ATAD2: variants seen among roughly 807,000 people sequenced by gnomAD.
The protein encoded by ATAD2 is ATPase family AAA domain-containing protein 2.
A neutral mutation model predicts 168.9 loss-of-function variants in ATAD2; 62 were observed. The observed-to-expected ratio is 0.37, with a 90% CI of 0.30 to 0.45. ATAD2 has a LOEUF of 0.45. ATAD2 is among the 20% of genes least tolerant of loss of function. The pLI, the probability that ATAD2 is intolerant of heterozygous loss-of-function variation, is 1.00. For missense variants in ATAD2, 1,419 were observed against 1,667.8 expected, an observed-to-expected ratio of 0.85 and a Z score of 2.60; for synonymous variants, 613 against 571.6, an observed-to-expected ratio of 1.07 and a Z score of -1.03.
chr8:123,377,059 C>A (rs1480463505), intron 2 of ATAD2, among the ~76,000 whole-genome samples: 1 of 113,508 alleles, frequency 8.8e-6, no homozygotes, highest in Non-Finnish European at 1.7e-5. Flanking sequence ...CCACTGCACT[C>A]CAGCCTGGGC....
upstream of ATAD2, among the ~76,000 whole-genome samples, chr8:123,399,804 A>G (rs1022159455): frequency 6.6e-6 from 1 of 151,934 alleles, no homozygotes; most frequent in African/African-American, 2.4e-5. Flanking sequence ...CGGTGAGCCG[A>G]GATTACGCCA....
intron 10 of ATAD2, 68 bp from the exon 11 acceptor site, chr8:123,359,404 T>C (rs1345188824): frequency 1.6e-6 from 2 of 1,275,528 alleles, no homozygotes; most frequent in Non-Finnish European, 2.2e-6. Flanking sequence ...CCCCACACCA[T>C]ACACAGTCAA....
intron 21 of ATAD2, among the ~76,000 whole-genome samples, chr8:123,336,972 T>C (rs1443229325): frequency 6.8e-6 from 1 of 147,654 alleles, no homozygotes; most frequent in Non-Finnish European, 1.5e-5. Flanking sequence ...CAAGACCCTA[T>C]CTCCACAAGG....
chr8:123,324,509 G>C (rs1827553151), intron 26 of ATAD2, among the ~76,000 whole-genome samples: 1 of 152,186 alleles, frequency 6.6e-6, no homozygotes, highest in African/African-American at 2.4e-5. Flanking sequence ...TGTTGGTTGA[G>C]GAGATAAGAC....
chr8:123,346,471 G>C, intron 17 of ATAD2, 147 bp downstream of exon 17: 1 of 999,756 alleles, frequency 1.0e-6, no homozygotes, highest in Non-Finnish European at 1.4e-6. Flanking sequence ...TTCTACTGTT[G>C]TGACAACTGT....
At chr8:123,336,854 A>G (rs1827929475) in intron 21 of ATAD2, among the ~76,000 whole-genome samples, 1 of 151,892 alleles carries the variant, frequency 6.6e-6, no homozygotes, top group African/African-American at 2.4e-5. Context: ...GTCTCTTCCA[A>G]TTGTGTAGGT....
chr8:123,392,227 C>T (rs775422896), intron 1 of ATAD2, among the ~76,000 whole-genome samples: 8 of 152,016 alleles, frequency 5.3e-5, no homozygotes, highest in Non-Finnish European at 8.8e-5. Flanking sequence ...TCCAAGTCCC[C>T]GTGCAGTTAC....
chr8:123,330,874 G>A (rs1051508678), intron 24 of ATAD2, among the ~76,000 whole-genome samples: 1 of 152,156 alleles, frequency 6.6e-6, no homozygotes, highest in African/African-American at 2.4e-5. Context: ...AAAGTACAAA[G>A]TTTTTGCATT....
intron 2 of ATAD2, among the ~76,000 whole-genome samples, chr8:123,373,823 A>T (rs1021220051): frequency 6.6e-6 from 1 of 151,944 alleles, no homozygotes; most frequent in Non-Finnish European, 1.5e-5. Context: ...CTACTAAGCA[A>T]AACAGTATGT....
chr8:123,331,140 C>G (rs148758169), intron 24 of ATAD2, among the ~76,000 whole-genome samples: 3,536 of 151,484 alleles, frequency 0.023, 144 homozygotes, highest in African/African-American at 0.082. Context: ...GGGGTTTCAC[C>G]ATGTTGGCCA....
chr8:123,358,039 A>G (rs1291795714), intron 11 of ATAD2, among the ~76,000 whole-genome samples: 1 of 152,178 alleles, frequency 6.6e-6, no homozygotes, highest in African/African-American at 2.4e-5. Context: ...CATATAATTC[A>G]ATTTGTATGG....
chr8:123,399,655 G>A (rs1335839699), upstream of ATAD2, among the ~76,000 whole-genome samples: 1 of 151,968 alleles, frequency 6.6e-6, no homozygotes, highest in Admixed American at 6.6e-5. Context: ...GGGAGTTCTA[G>A]AGCAGCCTGA....
chr8:123,351,563 T>C (rs1828460602), intron 13 of ATAD2, among the ~76,000 whole-genome samples: 1 of 152,146 alleles, frequency 6.6e-6, no homozygotes, highest in Non-Finnish European at 1.5e-5. Flanking sequence ...ATTTATTAGC[T>C]GTGATTTTCC....
chr8:123,401,330 G>C, upstream of ATAD2: 1 of 1,383,844 alleles, frequency 7.2e-7, no homozygotes, highest in South Asian at 1.2e-5. Context: ...GTGGGCACCT[G>C]TGAGGATGAC....
At position 123,357,650 on chromosome 8, in the gene ATAD2, C is replaced by T. The variant is rs1260663776; in HGVS notation, c.1469G>A (p.Arg490Lys). The T allele has an allele frequency of 6.2e-7, 1 of 1,614,002 alleles. No homozygotes were observed. Among genetic ancestry groups the T allele is most frequent in the African/African-American group, 1.3e-5 (1 of 74,934 alleles). ...ACCTTTCCTCATGAAAAATGCTACT[C>T]TTTTATCCCCTTGACTGCACTCATT... ...LANECSQGDKRVAFFMRKGAD... is the reference protein window; with the variant it reads ...LANECSQGDKKVAFFMRKGAD... The change falls in exon 12 of 28, where the codon AGA (arginine) becomes AAA (lysine). Residue 490 changes from arginine (R) to lysine (K), a missense_variant. By Grantham distance (26) the Arg-to-Lys change is conservative. Coordinates refer to ENST00000287394, the MANE Select transcript of ATAD2 (RefSeq NM_014109.4).
chr8:123,400,973 C>T, upstream of ATAD2: 1 of 1,434,818 alleles, frequency 7.0e-7, no homozygotes, highest in Non-Finnish European at 9.7e-7. The surrounding 1 kb of genome is among the most constrained non-coding windows in gnomAD (Gnocchi z 4.5). Flanking sequence ...GTGCTGGAGG[C>T]CACGATGCGG....
chr8:123,336,446 C>A lies in ATAD2; in HGVS notation c.3138G>T (p.Val1046=). The change falls in exon 22 of 28, where the codon GTG becomes GTT. Residue 1046 remains valine (V), a synonymous_variant. Coordinates refer to ENST00000287394, the MANE Select transcript of ATAD2 (RefSeq NM_014109.4). ...GATCAATATCTCTCAAATAGTCTTT[C>A]ACAGTCAGATACTTGTGTAGATCAA... ...SKIDLHKYLT[V]KDYLRDIDLI... 1 of 1,582,504 alleles carries A rather than the reference C, an allele frequency of 6.3e-7. No individual in the cohort carries two copies. Among genetic ancestry groups the A allele is most frequent in the African/African-American group, 1.4e-5 (1 of 73,084 alleles).
At chr8:123,380,950 A>T (rs1303611596) in intron 1 of ATAD2, 1 of 359,122 alleles carries the variant, frequency 2.8e-6, no homozygotes, top group East Asian at 5.8e-5. Flanking sequence ...AGTAGTCTAG[A>T]GAGTGAAGTT....
chr8:123,370,341 G>A (rs1470448710), intron 6 of ATAD2, among the ~76,000 whole-genome samples: 1 of 151,998 alleles, frequency 6.6e-6, no homozygotes, highest in African/African-American at 2.4e-5. Flanking sequence ...CATTAATGTA[G>A]GTGACTAAAC....
Sources: gnomAD v4.1 joint callset for allele counts (sites outside exome capture counted in the v4.1 genomes callset) on GRCh38, gnomAD v4.1.1 for gene constraint, Gnocchi (gnomAD v3.1) non-coding constraint, MANE v1.5 for transcripts, NCBI Gene and HGNC (gene_info 2026-07-23, HGNC 2026-07-21) for gene names.